MACROD2: variants seen among roughly 807,000 people sequenced by gnomAD.
The protein encoded by MACROD2 is ADP-ribose glycohydrolase MACROD2.
MACROD2 carries 36 observed loss-of-function variants against 70.4 expected under a neutral mutation model. The observed-to-expected ratio is 0.51, with a 90% CI of 0.39 to 0.68. The LOEUF (loss-of-function observed/expected upper bound fraction) is 0.68. Ranked by LOEUF, MACROD2 falls within the 30% of genes least tolerant of loss-of-function variation. MACROD2 has a pLI of 0.00. For synonymous variants in MACROD2, 172 were observed against 178.8 expected, an observed-to-expected ratio of 0.96 and a Z score of 0.30; for missense variants, 496 against 538.4, an observed-to-expected ratio of 0.92 and a Z score of 0.78.
At chr20:14,273,073 T>G (rs2082212091) in intron 3 of MACROD2, among the ~76,000 whole-genome samples, 1 of 151,848 alleles carries the variant, frequency 6.6e-6, no homozygotes, top group Non-Finnish European at 1.5e-5. Context: ...CTGTCAACAT[T>G]AGACAGATCA....
At chr20:15,013,130 A>C (rs1459257641) in intron 5 of MACROD2, among the ~76,000 whole-genome samples, 1 of 152,086 alleles carries the variant, frequency 6.6e-6, no homozygotes, top group Non-Finnish European at 1.5e-5. Flanking sequence ...TTTCTCCTCG[A>C]GTATTTCTCC....
intron 3 of MACROD2, among the ~76,000 whole-genome samples, chr20:14,482,097 G>A (rs1045411259): frequency 3.9e-5 from 6 of 152,322 alleles, no homozygotes; most frequent in African/African-American, 7.2e-5. Flanking sequence ...GTCACGTCAT[G>A]AGTTAGATTT....
intron 7 of MACROD2, among the ~76,000 whole-genome samples, chr20:15,464,955 C>T (rs371141704): frequency 2.0e-5 from 3 of 152,026 alleles, no homozygotes; most frequent in Non-Finnish European, 4.4e-5. Flanking sequence ...GAGGCACTTA[C>T]CTCCCGTGGA....
intron 2 of MACROD2, among the ~76,000 whole-genome samples, chr20:14,049,523 C>G (rs533778519): frequency 2.8e-4 from 43 of 151,392 alleles, no homozygotes; most frequent in African/African-American, 9.9e-4. Context: ...GACAGATCAC[C>G]TGAGGTCAGG....
intron 5 of MACROD2, among the ~76,000 whole-genome samples, chr20:14,862,680 TATATATATAAATATATATAA>T (rs1318346129): frequency 1.4e-5 from 1 of 69,290 alleles, no homozygotes; most frequent in Non-Finnish European, 2.5e-5. Context: ...TATATATAAA[TATATATATAAATATATATAA>T]ATATATATAT....
At chr20:15,546,952 A>T (rs1248710894) in intron 8 of MACROD2, among the ~76,000 whole-genome samples, 1 of 152,176 alleles carries the variant, frequency 6.6e-6, no homozygotes, top group Non-Finnish European at 1.5e-5. Flanking sequence ...AACAAAATGA[A>T]TGTCCCTATT....
chr20:14,364,101 C>T (rs1359248668), intron 3 of MACROD2, among the ~76,000 whole-genome samples: 4 of 152,074 alleles, frequency 2.6e-5, no homozygotes, highest in Admixed American at 2.6e-4. Flanking sequence ...TTTTAGAATT[C>T]TTGATAATGG....
chr20:14,839,775 C>T lies in MACROD2; in HGVS notation c.418+154816C>T, dbSNP rs141483957. ...AAAGAGAGCCCCCTCCCCAACTTCA[C>T]CAACACTGCTGAATTCCGATTATAG... On this transcript the variant is annotated intron_variant, in intron 5 of 17. Transcript: ENST00000684519. 1.3e-3 allele frequency among the ~76,000 whole-genome samples: 199 copies of T among 152,190 alleles called. 1 individual carries two copies. The highest frequency in any genetic ancestry group is 4.5e-3 in the African/African-American group (187 of 41,528).
chr20:14,567,111 C>G (rs1874476177), intron 4 of MACROD2, among the ~76,000 whole-genome samples: 1 of 151,588 alleles, frequency 6.6e-6, no homozygotes, highest in Non-Finnish European at 1.5e-5. Flanking sequence ...GTGTGTGCCA[C>G]CACACCTGGC....
chr20:15,354,243 C>T (rs6079778), intron 6 of MACROD2, among the ~76,000 whole-genome samples: 41,985 of 151,586 alleles, frequency 0.28, 5,893 homozygotes, highest in East Asian at 0.48. Flanking sequence ...AGCAAACTAT[C>T]GCAAGGACAA....
intron 5 of MACROD2, among the ~76,000 whole-genome samples, chr20:14,951,157 G>T (rs1369638863): frequency 6.6e-6 from 1 of 152,062 alleles, no homozygotes; most frequent in Non-Finnish European, 1.5e-5. Flanking sequence ...GTGGTGTGTA[G>T]TGTTCATGAA....
intron 4 of MACROD2, among the ~76,000 whole-genome samples, chr20:14,595,330 T>C: frequency 6.6e-6 from 1 of 152,016 alleles, no homozygotes; most frequent in Non-Finnish European, 1.5e-5. Flanking sequence ...AAAGCCAGAG[T>C]TCTGCTAGTG....
At chr20:14,258,386 A>G (rs935503765) in intron 3 of MACROD2, among the ~76,000 whole-genome samples, 2 of 129,334 alleles carry the variant, frequency 1.5e-5, no homozygotes, top group African/African-American at 6.6e-5. Context: ...GCCAACATCT[A>G]TTATTTTTTT....
chr20:15,500,340 G>A (rs59755830), intron 8 of MACROD2, among the ~76,000 whole-genome samples: 3,150 of 152,176 alleles, frequency 0.021, 110 homozygotes, highest in African/African-American at 0.07. Flanking sequence ...CGTTATGAGC[G>A]GGATTTCTTA....
At chr20:14,262,108 A>G (rs780278019) in intron 3 of MACROD2, among the ~76,000 whole-genome samples, 11 of 152,216 alleles carry the variant, frequency 7.2e-5, no homozygotes, top group Admixed American at 1.3e-4. Context: ...GAGATATAAA[A>G]CAATATAATG....
intron 5 of MACROD2, among the ~76,000 whole-genome samples, chr20:15,163,278 G>T (rs1323461850): frequency 1.3e-5 from 2 of 151,504 alleles, no homozygotes. Context: ...AAAATACAGA[G>T]ATTATCAGAA....
intron 7 of MACROD2, among the ~76,000 whole-genome samples, chr20:15,493,383 C>A (rs2047255422): frequency 6.6e-6 from 1 of 152,140 alleles, no homozygotes; most frequent in East Asian, 1.9e-4. Flanking sequence ...CTAGTGAGAA[C>A]CTCCTTGAAA....
chr20:14,232,873 C>T (rs965270306), intron 3 of MACROD2, among the ~76,000 whole-genome samples: 3 of 152,242 alleles, frequency 2.0e-5, no homozygotes, highest in Non-Finnish European at 4.4e-5. Flanking sequence ...TGGCTTTTGA[C>T]GTGTCCTCCT....
At chr20:15,206,523 G>C (rs1372648276) in intron 5 of MACROD2, among the ~76,000 whole-genome samples, 2 of 151,798 alleles carry the variant, frequency 1.3e-5, no homozygotes, top group Admixed American at 6.6e-5. Flanking sequence ...CATCACATCA[G>C]AAAGCATTTT....
Sources: allele counts gnomAD v4.1 joint callset (sites outside exome capture counted in the v4.1 genomes callset), GRCh38; gene constraint gnomAD v4.1.1; transcripts MANE v1.5; gene names NCBI Gene and HGNC (gene_info 2026-07-23, HGNC 2026-07-21).